TRIM2: variants seen among roughly 807,000 people sequenced by gnomAD.
TRIM2 encodes the protein tripartite motif containing 2, also known as tripartite motif-containing protein 2.
TRIM2 carries 20 observed loss-of-function variants against 75.2 expected under a neutral mutation model. The ratio of observed to expected loss-of-function variants is 0.27; its 90% CI spans 0.19 to 0.39. The LOEUF is 0.39. Ranked by LOEUF, TRIM2 falls within the 10% of genes least tolerant of loss-of-function variation. TRIM2 has a pLI of 1.00. For synonymous variants in TRIM2, 373 were observed against 388.3 expected, an observed-to-expected ratio of 0.96 and a Z score of 0.46; for missense variants, 660 against 990.8, an observed-to-expected ratio of 0.67 and a Z score of 4.48.
At chr4:153,202,800 T>C (rs192420612), upstream of TRIM2, among the ~76,000 whole-genome samples, 68 of 150,980 alleles carry the variant, frequency 4.5e-4, no homozygotes, top group South Asian at 5.0e-3. Context: ...TAAGCTGCTG[T>C]AATAGCTTTA....
intron 1 of TRIM2, among the ~76,000 whole-genome samples, chr4:153,231,505 G>T (rs1743599052): frequency 6.6e-6 from 1 of 152,170 alleles, no homozygotes; most frequent in Non-Finnish European, 1.5e-5. Flanking sequence ...TCATTTTCCA[G>T]ACAGGGATTA....
intron 8 of TRIM2, among the ~76,000 whole-genome samples, chr4:153,321,816 C>G (rs1769055296): frequency 6.6e-6 from 1 of 152,196 alleles, no homozygotes; most frequent in Non-Finnish European, 1.5e-5. Flanking sequence ...GTGTGCTACA[C>G]TCTACAGTAA....
At chr4:153,256,979 A>G (rs1752219469) in intron 1 of TRIM2, among the ~76,000 whole-genome samples, 1 of 152,206 alleles carries the variant, frequency 6.6e-6, no homozygotes, top group African/African-American at 2.4e-5. Context: ...TGAGACATCT[A>G]AGGAAATCAG....
chr4:153,246,186 T>A (rs1749091223), intron 1 of TRIM2, among the ~76,000 whole-genome samples: 1 of 152,236 alleles, frequency 6.6e-6, no homozygotes, highest in South Asian at 2.1e-4. Context: ...GTGCTAAGCA[T>A]CTTTTGGGCA....
intron 1 of TRIM2, among the ~76,000 whole-genome samples, chr4:153,175,696 G>A (rs1018051038): frequency 2.0e-5 from 3 of 152,190 alleles, no homozygotes; most frequent in African/African-American, 7.2e-5. Context: ...CTCTTAAAAA[G>A]TGATATCTGA....
At chr4:153,221,979 GA>G (rs1444179234) in intron 1 of TRIM2, among the ~76,000 whole-genome samples, 5 of 72,378 alleles carry the variant, frequency 6.9e-5, no homozygotes, top group South Asian at 6.5e-4. Flanking sequence ...AGGGAGGAAG[GA>G]AGGAAGGGAG....
At chr4:153,319,173 G>C (rs1026868705) in intron 8 of TRIM2, among the ~76,000 whole-genome samples, 1 of 152,190 alleles carries the variant, frequency 6.6e-6, no homozygotes, top group Admixed American at 6.5e-5. Flanking sequence ...AGTAGTTCCA[G>C]AGATGTAACA....
At chr4:153,221,893 AGG>A (rs1740323501) in intron 1 of TRIM2, among the ~76,000 whole-genome samples, 1 of 87,682 alleles carries the variant, frequency 1.1e-5, no homozygotes, top group South Asian at 6.4e-4. Flanking sequence ...GAAGGAAGGA[AGG>A]AGGGAGGAAG....
chr4:153,206,532 G>A (rs1297871995), intron 1 of TRIM2, among the ~76,000 whole-genome samples: 3 of 152,206 alleles, frequency 2.0e-5, no homozygotes, highest in South Asian at 4.1e-4. Context: ...TCCTCTCCGG[G>A]CGCCACTCTC....
At chr4:153,225,653 A>C (rs558447238) in intron 1 of TRIM2, among the ~76,000 whole-genome samples, 1 of 152,324 alleles carries the variant, frequency 6.6e-6, no homozygotes, top group South Asian at 2.1e-4. Context: ...TGGCAAGTGC[A>C]ACCTTTGAGA....
At chr4:153,305,748 C>G (rs990151824) in intron 6 of TRIM2, among the ~76,000 whole-genome samples, 1 of 152,240 alleles carries the variant, frequency 6.6e-6, no homozygotes, top group Admixed American at 6.5e-5. Flanking sequence ...GCTCTGCCCT[C>G]ACAACACAAT....
intron 10 of TRIM2, among the ~76,000 whole-genome samples, chr4:153,327,858 A>G (rs1430335189): frequency 6.6e-6 from 1 of 152,228 alleles, no homozygotes; most frequent in Non-Finnish European, 1.5e-5. Context: ...TAGAAAATAG[A>G]GTAATAGAAA....
intron 1 of TRIM2, among the ~76,000 whole-genome samples, chr4:153,170,775 C>T (rs1730772284): frequency 6.6e-6 from 1 of 152,130 alleles, no homozygotes; most frequent in Non-Finnish European, 1.5e-5. Flanking sequence ...CTTTGCTCAT[C>T]AAGCCCTTCA....
intron 8 of TRIM2, among the ~76,000 whole-genome samples, chr4:153,318,913 A>AGT (rs1177335464): frequency 2.0e-5 from 3 of 152,136 alleles, no homozygotes; most frequent in African/African-American, 7.2e-5. Context: ...GGATTGGGGG[A>AGT]GTGGAGGTGG....
chr4:153,260,743 C>G (rs55919307), intron 1 of TRIM2, among the ~76,000 whole-genome samples: 2 of 119,476 alleles, frequency 1.7e-5, no homozygotes, highest in Admixed American at 8.8e-5. Flanking sequence ...TCATCATCAT[C>G]ATGATCATCA....
intron 10 of TRIM2, among the ~76,000 whole-genome samples, chr4:153,326,993 A>AG (rs1770363931): frequency 1.3e-5 from 2 of 151,810 alleles, no homozygotes; most frequent in Non-Finnish European, 2.9e-5. Context: ...AAAAAAAAAA[A>AG]AAAAAGAAAG....
At chr4:153,161,654 G>A (rs781651334) in intron 1 of TRIM2, among the ~76,000 whole-genome samples, 14 of 152,160 alleles carry the variant, frequency 9.2e-5, no homozygotes, top group African/African-American at 2.7e-4. Flanking sequence ...CACAGACAAC[G>A]CTAGTACACT....
intron 1 of TRIM2, among the ~76,000 whole-genome samples, chr4:153,249,714 A>G (rs1750361899): frequency 6.6e-6 from 1 of 152,238 alleles, no homozygotes; most frequent in South Asian, 2.1e-4. Context: ...CCCTGTAGTC[A>G]AAACCACTGC....
Position 153,244,170 on chromosome 4 carries a change from T to C in TRIM2, c.31-26165T>C, listed in dbSNP as rs1336185448. Among the ~76,000 whole-genome samples, 40 of 144,416 alleles carry C rather than the reference T, an allele frequency of 2.8e-4. 1 individual carries two copies. Among genetic ancestry groups the C allele is most frequent in the African/African-American group, 1.1e-3 (39 of 36,126 alleles). 94.7% of individuals were successfully genotyped at this position (144,416 alleles called of 152,430 possible). The stretch of plus-strand genomic sequence containing the variant: ...TTCTTCTTGTTCTTCTTCTTCTTCT[T>C]CTTCTTCTTCTCCTCCTTCTTCTTC... On this transcript the variant is annotated intron_variant, in intron 1 of 11. Coordinates refer to ENST00000338700, the MANE Select transcript of TRIM2 (RefSeq NM_015271.5).
Sources: allele counts gnomAD v4.1 joint callset (sites outside exome capture counted in the v4.1 genomes callset), GRCh38; gene constraint gnomAD v4.1.1; transcripts MANE v1.5; gene names NCBI Gene and HGNC (gene_info 2026-07-23, HGNC 2026-07-21).